Variants in CTNND2 observed in about 807,000 individuals in gnomAD.
CTNND2 encodes catenin delta-2.
CTNND2 carries 22 observed loss-of-function variants against 144.4 expected under a neutral mutation model. The ratio of observed to expected loss-of-function variants is 0.15; its 90% CI spans 0.11 to 0.22. The LOEUF is 0.22. CTNND2 is among the 10% of genes least tolerant of loss of function. The pLI, the probability that CTNND2 is intolerant of heterozygous loss-of-function variation, is 1.00. For missense variants in CTNND2, 1,353 were observed against 1,618.8 expected, an observed-to-expected ratio of 0.84 and a Z score of 2.82; for synonymous variants, 751 against 695.6, an observed-to-expected ratio of 1.08 and a Z score of -1.25.
intron 3 of CTNND2, among the ~76,000 whole-genome samples, chr5:11,455,794 T>C (rs931394856): frequency 3.3e-5 from 5 of 152,206 alleles, no homozygotes; most frequent in Non-Finnish European, 5.9e-5. Context: ...GGTTTTTTTT[T>C]CTGCTCAGAA....
chr5:11,895,309 C>T (rs371441785), intron 1 of CTNND2, among the ~76,000 whole-genome samples: 4 of 152,296 alleles, frequency 2.6e-5, no homozygotes, highest in South Asian at 4.1e-4. Flanking sequence ...TGTATTATTT[C>T]GCAGTAGAAA....
intron 1 of CTNND2, among the ~76,000 whole-genome samples, chr5:11,790,951 C>A (rs1353911385): frequency 6.6e-6 from 1 of 152,038 alleles, no homozygotes; most frequent in African/African-American, 2.4e-5. Context: ...ATAACTGGTT[C>A]AAATGAGGTT....
intron 6 of CTNND2, among the ~76,000 whole-genome samples, chr5:11,396,027 T>C (rs571772478): frequency 1.3e-5 from 2 of 152,096 alleles, no homozygotes; most frequent in African/African-American, 4.8e-5. Flanking sequence ...AATAAATTGG[T>C]GAAAGAGATG....
At chr5:11,778,261 G>A (rs556193486) in intron 1 of CTNND2, among the ~76,000 whole-genome samples, 3 of 152,156 alleles carry the variant, frequency 2.0e-5, no homozygotes, top group African/African-American at 7.2e-5. Context: ...TGCACATCAT[G>A]TCTGACTTCA....
At chr5:11,281,857 A>G (rs745321241) in intron 9 of CTNND2, among the ~76,000 whole-genome samples, 1 of 152,190 alleles carries the variant, frequency 6.6e-6, no homozygotes, top group Non-Finnish European at 1.5e-5. Context: ...CCCATCTCTA[A>G]TTACAGTCAT....
At chr5:11,326,599 G>C (rs546050525) in intron 9 of CTNND2, among the ~76,000 whole-genome samples, 31 of 152,262 alleles carry the variant, frequency 2.0e-4, no homozygotes, top group African/African-American at 6.7e-4. Flanking sequence ...CCTTCTAGGT[G>C]TACATTTCTC....
chr5:11,762,617 T>C (rs764738123), intron 1 of CTNND2, among the ~76,000 whole-genome samples: 58 of 152,342 alleles, frequency 3.8e-4, no homozygotes, highest in Non-Finnish European at 7.2e-4. Flanking sequence ...AAATTTCTCC[T>C]TTGCTTGCTT....
intron 3 of CTNND2, among the ~76,000 whole-genome samples, chr5:11,556,712 C>T (rs2530908): frequency 0.25 from 38,123 of 151,548 alleles, 5,579 homozygotes; most frequent in African/African-American, 0.41. Context: ...TTCCTTTTGC[C>T]CCCTAATATC....
intron 1 of CTNND2, among the ~76,000 whole-genome samples, chr5:11,902,229 C>A (rs929426546): frequency 6.6e-6 from 1 of 152,196 alleles, no homozygotes; most frequent in African/African-American, 2.4e-5. Flanking sequence ...TCCCCAACAA[C>A]AGTAGGAACA....
chr5:11,463,896 T>C (rs1766439843), intron 3 of CTNND2, among the ~76,000 whole-genome samples: 2 of 151,532 alleles, frequency 1.3e-5, no homozygotes, highest in African/African-American at 4.8e-5. Context: ...GAAAGACAAG[T>C]TTCTGGTTTC....
chr5:11,511,804 G>A (rs748199537), intron 3 of CTNND2, among the ~76,000 whole-genome samples: 6 of 151,938 alleles, frequency 3.9e-5, no homozygotes, highest in African/African-American at 4.8e-5. Context: ...CAGTTTTCCC[G>A]CAGGTGTCAT....
At position 11,792,557 on chromosome 5, in the gene CTNND2, C is replaced by G. The variant is rs890882448; in HGVS notation, c.38-60285G>C. On this transcript the variant is annotated intron_variant, in intron 1 of 21. Coordinates refer to ENST00000304623, the MANE Select transcript of CTNND2 (RefSeq NM_001332.4). Reference sequence around the variant, plus strand: ...CCACATATTTTTGTGCAAGCATGAACGCTTTCAAATATTTAAATACAAGTA... The same window carrying G: ...CCACATATTTTTGTGCAAGCATGAAGGCTTTCAAATATTTAAATACAAGTA... Among the ~76,000 whole-genome samples, 6 of 152,250 alleles carry G rather than the reference C, an allele frequency of 3.9e-5. 1 individual carries two copies. In the South Asian group the frequency reaches 6.2e-4, roughly 16 times the overall value.
intron 2 of CTNND2, among the ~76,000 whole-genome samples, chr5:11,648,398 C>A (rs1040448633): frequency 7.2e-5 from 11 of 152,222 alleles, no homozygotes; most frequent in Non-Finnish European, 1.5e-4. Context: ...CTTTCTCCAA[C>A]CTTATCAACT....
intron 2 of CTNND2, among the ~76,000 whole-genome samples, chr5:11,643,091 T>C (rs967256547): frequency 4.6e-5 from 7 of 152,228 alleles, no homozygotes; most frequent in African/African-American, 1.7e-4. Context: ...AGTTATAATC[T>C]ATGTAAGCAC....
chr5:11,152,456 A>G lies in CTNND2; in HGVS notation c.2159+7120T>C, dbSNP rs147757770. On this transcript the variant is annotated intron_variant, in intron 12 of 21. Coordinates refer to ENST00000304623, the MANE Select transcript of CTNND2 (RefSeq NM_001332.4). ...TACAGCCTAGGCTGTGTCATAAGCT[A>G]TAACGTCTAGGTTTGTGTAAGTGCG... Among the ~76,000 whole-genome samples, 251 of 152,350 alleles carry G rather than the reference A, an allele frequency of 1.6e-3. 2 individuals are homozygous for G. Among genetic ancestry groups the G allele is most frequent in the African/African-American group, 5.0e-3 (209 of 41,586 alleles).
intron 12 of CTNND2, among the ~76,000 whole-genome samples, chr5:11,123,214 A>G (rs1754322867): frequency 6.6e-6 from 1 of 152,100 alleles, no homozygotes; most frequent in African/African-American, 2.4e-5. Flanking sequence ...TGGTCCCACA[A>G]GGCGTTAGGA....
chr5:11,299,031 T>A (rs779758533), intron 9 of CTNND2, among the ~76,000 whole-genome samples: 2 of 152,178 alleles, frequency 1.3e-5, no homozygotes, highest in Non-Finnish European at 2.9e-5. Flanking sequence ...TACAAACACA[T>A]AAATGCTCAC....
Position 11,270,868 on chromosome 5 carries a change from G to A in CTNND2, c.1629-34045C>T, listed in dbSNP as rs112723208. ...AATAGTTAGTTCATGTGAATGCCACGTGGAACCAAACATGAAAGTATTTAT... is the reference window on the plus strand; with the variant it reads ...AATAGTTAGTTCATGTGAATGCCACATGGAACCAAACATGAAAGTATTTAT... On this transcript the variant is annotated intron_variant, in intron 9 of 21. Coordinates refer to ENST00000304623, the MANE Select transcript of CTNND2 (RefSeq NM_001332.4). 1.9e-3 allele frequency among the ~76,000 whole-genome samples: 291 copies of A among 152,286 alleles called. 1 individual carries two copies. Among genetic ancestry groups the A allele is most frequent in the African/African-American group, 6.2e-3 (257 of 41,578 alleles).
intron 3 of CTNND2, among the ~76,000 whole-genome samples, chr5:11,514,770 T>G (rs527907505): frequency 1.3e-5 from 2 of 152,300 alleles, no homozygotes; most frequent in African/African-American, 2.4e-5. Flanking sequence ...AATATGCATG[T>G]GCATGCACCC....
Sources: gnomAD v4.1 joint callset for allele counts (sites outside exome capture counted in the v4.1 genomes callset) on GRCh38, gnomAD v4.1.1 for gene constraint, MANE v1.5 for transcripts, NCBI Gene and HGNC (gene_info 2026-07-23, HGNC 2026-07-21) for gene names.